Variants in STX8 observed in about 807,000 individuals in gnomAD.
STX8 encodes syntaxin-8.
Under a neutral mutation model 37.5 loss-of-function variants are expected in STX8, and 23 were observed. The observed-to-expected ratio is 0.61, with a 90% confidence interval of 0.44 to 0.87. STX8 has a LOEUF of 0.87. STX8 is among the 40% of genes least tolerant of loss of function. The pLI, the probability that STX8 is intolerant of heterozygous loss-of-function variation, is 0.00. For missense variants in STX8, 313 were observed against 284.7 expected, an observed-to-expected ratio of 1.10 and a Z score of -0.71; for synonymous variants, 115 against 99.1, an observed-to-expected ratio of 1.16 and a Z score of -0.95.
At chr17:9,322,815 A>AAC in intron 7 of STX8, among the ~76,000 whole-genome samples, 1 of 11,138 alleles carries the variant, frequency 9.0e-5, no homozygotes, top group East Asian at 3.0e-3. Flanking sequence ...TGCATTTGCT[A>AAC]AAAAAAAAAA....
chr17:9,460,071 T>C (rs1295100907), intron 6 of STX8, among the ~76,000 whole-genome samples: 1 of 152,130 alleles, frequency 6.6e-6, no homozygotes, highest in Non-Finnish European at 1.5e-5. Context: ...AATGGCTTCA[T>C]AAAGGGCACA....
chr17:9,537,079 C>T (rs1906090225), intron 4 of STX8, among the ~76,000 whole-genome samples: 1 of 152,152 alleles, frequency 6.6e-6, no homozygotes, highest in Non-Finnish European at 1.5e-5. Context: ...CAAACTAATC[C>T]CCCCATGGGC....
At chr17:9,429,981 AATATATTATATATAATATATATATT>A (rs1410299529) in intron 6 of STX8, among the ~76,000 whole-genome samples, 3 of 8,866 alleles carry the variant, frequency 3.4e-4, no homozygotes, top group African/African-American at 2.3e-3. Context: ...TATTATATAG[AATATATTATATATAATATATATATT>A]ATATATTATA....
intron 7 of STX8, among the ~76,000 whole-genome samples, chr17:9,365,697 C>A (rs561528592): frequency 6.6e-6 from 1 of 152,188 alleles, no homozygotes; most frequent in South Asian, 2.1e-4. Context: ...AGGGGGGCCA[C>A]GTGAGGTGGC....
At chr17:9,526,473 G>A (rs767552364) in intron 4 of STX8, among the ~76,000 whole-genome samples, 3 of 152,112 alleles carry the variant, frequency 2.0e-5, no homozygotes, top group Non-Finnish European at 2.9e-5. Context: ...ATCAAAAATT[G>A]CTCGGTAAAC....
chr17:9,532,500 G>A (rs1015390889), intron 4 of STX8, among the ~76,000 whole-genome samples: 1 of 152,024 alleles, frequency 6.6e-6, no homozygotes, highest in African/African-American at 2.4e-5. Flanking sequence ...CACACACACA[G>A]AAAACTGTTA....
At chr17:9,254,727 C>T (rs1244010111) in intron 7 of STX8, among the ~76,000 whole-genome samples, 4 of 151,492 alleles carry the variant, frequency 2.6e-5, no homozygotes, top group Non-Finnish European at 5.9e-5. Flanking sequence ...CAGTTACTGT[C>T]TGTCTCTCCT....
chr17:9,324,124 TCTCA>T (rs1472095298), intron 7 of STX8, among the ~76,000 whole-genome samples: 6,071 of 134,046 alleles, frequency 0.045, 369 homozygotes, highest in African/African-American at 0.15. Flanking sequence ...TCTCTCTCTC[TCTCA>T]CACACACACA....
chr17:9,397,996 AAAAAGAAAG>A (rs1015908781), intron 6 of STX8, among the ~76,000 whole-genome samples: 1 of 149,198 alleles, frequency 6.7e-6, no homozygotes, highest in African/African-American at 2.5e-5. Flanking sequence ...TCCAAAAAAA[AAAAAGAAAG>A]AAAGAACAAA....
chr17:9,322,894 T>C (rs1909627564), intron 7 of STX8, among the ~76,000 whole-genome samples: 1 of 150,412 alleles, frequency 6.6e-6, no homozygotes, highest in African/African-American at 2.5e-5. Context: ...TCCATTCCTT[T>C]TATGAGGAAA....
rs59941529 is a variant in STX8, at chr17:9,322,814, TAA to T, written c.643+55736_643+55737del. Among the ~76,000 whole-genome samples the T allele has an allele frequency of 4.9e-3, 316 of 64,700 alleles. 1 individual carries two copies. The highest frequency in any genetic ancestry group is 9.1e-3 in the Middle Eastern group (1 of 110). 42.4% of individuals were successfully genotyped at this position (64,700 alleles called of 152,430 possible). ...CCAAACCCAATTTGGGTGCATTTGC[TAA>T]AAAAAAAAAAAAAAAAAAAAAAAAG... On this transcript the variant is annotated intron_variant, in intron 7 of 7. Transcript: ENST00000306357.
chr17:9,433,409 CT>C (rs1247091137), intron 6 of STX8, among the ~76,000 whole-genome samples: 2 of 152,170 alleles, frequency 1.3e-5, no homozygotes, highest in Non-Finnish European at 2.9e-5. Context: ...ATCAAAGATC[CT>C]TCATCACTAT....
rs148965136 is a variant in STX8, at chr17:9,295,700, G to A, written c.644-45055C>T. On this transcript the variant is annotated intron_variant, in intron 7 of 7. Coordinates refer to ENST00000306357, the MANE Select transcript of STX8 (RefSeq NM_004853.3). ...AGAGGTTGCAGTGAGCCAAGATCGC[G>A]CCACCGCACTCCAGCGTGACGACAG... Among the ~76,000 whole-genome samples, 614 of 151,748 alleles carry A rather than the reference G, an allele frequency of 4.0e-3. 1 individual carries two copies. The highest frequency in any genetic ancestry group is 7.1e-3 in the Non-Finnish European group (485 of 67,868).
intron 7 of STX8, among the ~76,000 whole-genome samples, chr17:9,281,156 G>A (rs1907866216): frequency 6.6e-6 from 1 of 152,200 alleles, no homozygotes; most frequent in South Asian, 2.1e-4. Context: ...AGAGGGGGCA[G>A]AACTGGAACA....
chr17:9,338,004 G>A (rs1239242307), intron 7 of STX8, among the ~76,000 whole-genome samples: 2 of 151,746 alleles, frequency 1.3e-5, no homozygotes, highest in African/African-American at 4.9e-5. Context: ...CCAGTGCTGA[G>A]GAGTTTGGAC....
At chr17:9,327,223 AGAAGGAGGAAGGAGGACAGAGGAG>A (rs1909790263) in intron 7 of STX8, among the ~76,000 whole-genome samples, 2 of 146,236 alleles carry the variant, frequency 1.4e-5, no homozygotes, top group Admixed American at 6.8e-5. Context: ...AGAAGGAGGA[AGAAGGAGGAAGGAGGACAGAGGAG>A]GAAGGAGGAA....
chr17:9,258,259 C>G (rs1231440850), intron 7 of STX8, among the ~76,000 whole-genome samples: 3 of 152,190 alleles, frequency 2.0e-5, no homozygotes, highest in Admixed American at 6.5e-5. Flanking sequence ...GGGGAATAAG[C>G]AGGAGAAGAG....
chr17:9,304,915 GAA>G (rs1200902556), intron 7 of STX8, among the ~76,000 whole-genome samples: 2,231 of 134,528 alleles, frequency 0.017, 53 homozygotes, highest in African/African-American at 0.062. Flanking sequence ...ATATATGGGC[GAA>G]AAAAAAAATA....
intron 6 of STX8, among the ~76,000 whole-genome samples, chr17:9,486,521 C>T (rs886781144): frequency 1.3e-5 from 2 of 152,024 alleles, no homozygotes; most frequent in Non-Finnish European, 2.9e-5. Context: ...GGTCTCAGAA[C>T]ATCAATTCTG....
Sources: gnomAD v4.1 joint callset for allele counts (sites outside exome capture counted in the v4.1 genomes callset) on GRCh38, gnomAD v4.1.1 for gene constraint, MANE v1.5 for transcripts, NCBI Gene and HGNC (gene_info 2026-07-23, HGNC 2026-07-21) for gene names.